IFNAR2: variants seen among roughly 807,000 people sequenced by gnomAD.
IFNAR2 encodes interferon alpha and beta receptor subunit 2.
A neutral mutation model predicts 49.4 loss-of-function variants in IFNAR2; 30 were observed. The observed-to-expected ratio is 0.61, with a 90% CI of 0.45 to 0.82. The LOEUF (loss-of-function observed/expected upper bound fraction) is 0.82. Among genes scored for constraint, IFNAR2 ranks in the 40% least tolerant of loss-of-function variants. The probability of loss-of-function intolerance (pLI) is 0.00; values close to 1 mark genes in which losing one functional copy is unlikely to be tolerated. For missense variants in IFNAR2, 600 were observed against 622.7 expected, an observed-to-expected ratio of 0.96 and a Z score of 0.39; for synonymous variants, 224 against 234.5, an observed-to-expected ratio of 0.96 and a Z score of 0.41.
At chr21:33,243,810 G>C (rs1987181975) in intron 3 of IFNAR2, 96 bp downstream of exon 3, 1 of 890,658 alleles carries the variant, frequency 1.1e-6, no homozygotes, top group Non-Finnish European at 1.9e-6. Context: ...TTTGATTTCT[G>C]ATTGTACATC....
chr21:33,249,643 A>C (rs2834164), intron 6 of IFNAR2, among the ~76,000 whole-genome samples: 72,573 of 151,934 alleles, frequency 0.48, 17,385 homozygotes, highest in Middle Eastern at 0.51. Context: ...CTGCATCTTC[A>C]ATTTTTGTTG....
chr21:33,250,671 G>T (rs1030150477), intron 6 of IFNAR2, among the ~76,000 whole-genome samples: 1 of 152,116 alleles, frequency 6.6e-6, no homozygotes, highest in Non-Finnish European at 1.5e-5. Flanking sequence ...CCTAGTAGCT[G>T]GGATTACAGG....
At chr21:33,259,293 T>C (rs1988414667) in intron 7 of IFNAR2, among the ~76,000 whole-genome samples, 1 of 152,142 alleles carries the variant, frequency 6.6e-6, no homozygotes, top group South Asian at 2.1e-4. Flanking sequence ...CAGCTTCTCC[T>C]TTCTGAGTCA....
At chr21:33,238,846 C>T (rs1244011817) in intron 1 of IFNAR2, among the ~76,000 whole-genome samples, 2 of 149,842 alleles carry the variant, frequency 1.3e-5, no homozygotes, top group Admixed American at 6.6e-5. Flanking sequence ...AAGGCACGAA[C>T]AGTTAATGAG....
rs1484278782 is a variant in IFNAR2, at chr21:33,260,735, GT to G, written c.840+15del. 1.4e-6 allele frequency: 2 copies of G among 1,466,530 alleles called. No homozygotes were observed. Among genetic ancestry groups the G allele is most frequent in the African/African-American group, 1.5e-5 (1 of 68,514 alleles). 90.8% of individuals were successfully genotyped at this position (1,466,530 alleles called of 1,614,324 possible). ...AGCCTCCCCAAAGTCTTGGTAGGTA[GT>G]TTTTTTGTTTTGTTTTGTTTTTTCT... On this transcript the variant is annotated intron_variant, in intron 8 of 8. Transcript: ENST00000342136.
chr21:33,235,678 G>A (rs937171847), intron 1 of IFNAR2, among the ~76,000 whole-genome samples: 1 of 152,210 alleles, frequency 6.6e-6, no homozygotes, highest in Non-Finnish European at 1.5e-5. Flanking sequence ...TGTAATCCCA[G>A]CACTTTGGGA....
At chr21:33,234,685 G>C in intron 1 of IFNAR2, 7 of 948,734 alleles carry the variant, frequency 7.4e-6, no homozygotes, top group Non-Finnish European at 8.8e-6. Context: ...CTGGTCTCAG[G>C]GTGAATAGCA....
At chr21:33,239,325 A>G (rs1038471109) in intron 1 of IFNAR2, among the ~76,000 whole-genome samples, 4 of 152,218 alleles carry the variant, frequency 2.6e-5, no homozygotes, top group Admixed American at 6.5e-5. Flanking sequence ...TCCTGCCTGC[A>G]CTGTCCTCTT....
intron 1 of IFNAR2, chr21:33,236,747 C>G: frequency 1.4e-5 from 14 of 985,046 alleles, no homozygotes; most frequent in Non-Finnish European, 1.7e-5. Flanking sequence ...GGGCTCCTAG[C>G]ACAAAACTCA....
At chr21:33,234,183 CTG>C (rs61686449) in intron 1 of IFNAR2, among the ~76,000 whole-genome samples, 2,213 of 140,738 alleles carry the variant, frequency 0.016, 36 homozygotes, top group Middle Eastern at 0.049. Context: ...AACAGAAACA[CTG>C]TGTGTGTGTG....
Position 33,244,859 on chromosome 21 carries a change from T to C in IFNAR2, c.98-92T>C, listed in dbSNP as rs1446946892. The C allele has an allele frequency of 3.2e-6, 4 of 1,240,206 alleles. No individual in the cohort carries two copies. In the East Asian group the frequency reaches 9.3e-5, roughly 29 times the overall value. 76.8% of individuals were successfully genotyped at this position (1,240,206 alleles called of 1,614,324 possible). On this transcript the variant is annotated intron_variant, in intron 3 of 8. Transcript: ENST00000342136. ...CTCTGGAGAGGTTATCTGCCAGAGG[T>C]GTGGGTTCTAGATCCCAAGAAATGA...
intron 8 of IFNAR2, 129 bp downstream of exon 8, chr21:33,260,856 C>G: frequency 1.8e-6 from 1 of 569,322 alleles, no homozygotes; most frequent in South Asian, 3.2e-5. Context: ...AATGCTTTCT[C>G]ACTCTGAGTT....
At chr21:33,246,977 G>A in intron 5 of IFNAR2, 87 bp downstream of exon 5, 1 of 1,179,786 alleles carries the variant, frequency 8.5e-7, no homozygotes, top group South Asian at 1.4e-5. Flanking sequence ...GTCTACAAAG[G>A]TGTTTTAGAC....
intron 7 of IFNAR2, among the ~76,000 whole-genome samples, chr21:33,254,648 C>G (rs1359132591): frequency 6.6e-6 from 1 of 152,070 alleles, no homozygotes. Flanking sequence ...TGTCTTAACC[C>G]AGATGCTTCC....
In IFNAR2 at chr21:33,262,775, T is replaced by TC. The variant is rs771954148; in HGVS notation, c.841-18_841-17insC. 102 of 182,328 alleles carry TC rather than the reference T, an allele frequency of 5.6e-4. No individual in the cohort carries two copies. Among genetic ancestry groups the TC allele is most frequent in the Admixed American group, 3.1e-3 (24 of 7,708 alleles). 11.3% of individuals were successfully genotyped at this position (182,328 alleles called of 1,614,324 possible). On this transcript the variant is annotated splice_polypyrimidine_tract_variant and intron_variant, in intron 8 of 8. Transcript: ENST00000342136. The stretch of plus-strand genomic sequence containing the variant: ...ACAGCTGATACGGACTCTCTCTCTC[T>TC]TTTTTTTTTTTTTTAAGAATTTTCA...
chr21:33,242,341 T>A lies in IFNAR2; in HGVS notation c.55+364T>A, dbSNP rs141560900. 5.1e-4 allele frequency among the ~76,000 whole-genome samples: 77 copies of A among 152,356 alleles called. No homozygotes were observed. In the East Asian group the frequency reaches 0.014, roughly 27 times the overall value. Reference sequence around the variant, plus strand: ...TTAATTAGCAACATGCTTATTCATATTCTGTGAATATTTCTAGGATGGACA... The same window carrying A: ...TTAATTAGCAACATGCTTATTCATAATCTGTGAATATTTCTAGGATGGACA... On this transcript the variant is annotated intron_variant, in intron 2 of 8. Coordinates refer to ENST00000342136, the MANE Select transcript of IFNAR2 (RefSeq NM_001289125.3).
At chr21:33,232,258 C>T (rs1336678587) in intron 1 of IFNAR2, among the ~76,000 whole-genome samples, 3 of 152,102 alleles carry the variant, frequency 2.0e-5, no homozygotes, top group Non-Finnish European at 4.4e-5. Context: ...CCCTGAGGGT[C>T]CTTCTTCTTC....
intron 2 of IFNAR2, 26 bp from the exon 3 acceptor site, chr21:33,243,647 T>C: frequency 6.2e-7 from 1 of 1,601,832 alleles, no homozygotes; most frequent in Non-Finnish European, 8.6e-7. Flanking sequence ...AACTATTGCC[T>C]CTCTAATGTG....
rs1348922214 is a variant in IFNAR2 at position 33,230,402 on chromosome 21, C to T, written c.-84+186C>T. Reference sequence around the variant, plus strand: ...CGGCTAGTGCGCCCTTCCTCTCTCCCGGGGCCGCACCTGCGACCCCAGGAC... The same window carrying T: ...CGGCTAGTGCGCCCTTCCTCTCTCCTGGGGCCGCACCTGCGACCCCAGGAC... On this transcript the variant is annotated intron_variant, in intron 1 of 8. Coordinates refer to ENST00000342136, the MANE Select transcript of IFNAR2 (RefSeq NM_001289125.3). The surrounding 1 kb of genome is among the most constrained non-coding windows in gnomAD (Gnocchi z 5.5). 1 of 509,890 alleles carries T rather than the reference C, an allele frequency of 2.0e-6. No homozygotes were observed. The highest frequency in any genetic ancestry group is 3.1e-5 in the Admixed American group (1 of 32,644). The allele number at this position is 509,890 out of a possible 1,614,324, so 31.6% of individuals were successfully genotyped here.
Sources: gnomAD v4.1 joint callset for allele counts (sites outside exome capture counted in the v4.1 genomes callset) on GRCh38, gnomAD v4.1.1 for gene constraint, Gnocchi (gnomAD v3.1) non-coding constraint, MANE v1.5 for transcripts, NCBI Gene and HGNC (gene_info 2026-07-23, HGNC 2026-07-21) for gene names.